Variants in ZNF283 observed in about 807,000 individuals in gnomAD.
ZNF283 encodes zinc finger protein 283, also known as zinc finger protein 41.
ZNF283 carries 10 observed loss-of-function variants against 9.2 expected under a neutral mutation model. The observed-to-expected ratio is 1.09, with a 90% CI of 0.67 to 1.85. The LOEUF (loss-of-function observed/expected upper bound fraction) is 1.85, where lower values mean the gene tolerates loss of function less well. ZNF283 is among the 40% of genes most tolerant of loss of function. The probability of loss-of-function intolerance (pLI) is 0.00; values close to 1 mark genes in which losing one functional copy is unlikely to be tolerated. For synonymous variants in ZNF283, 234 were observed against 244.1 expected, an observed-to-expected ratio of 0.96 and a Z score of 0.38; for missense variants, 631 against 760.1, an observed-to-expected ratio of 0.83 and a Z score of 2.00.
intron 3 of ZNF283, 73 bp from the exon 4 acceptor site, chr19:43,833,431 GT>G: frequency 5.2e-6 from 1 of 194,058 alleles, no homozygotes; most frequent in African/African-American, 2.5e-5. Context: ...ATTATTTTTG[GT>G]TGAGTACCCT....
chr19:43,848,828 A>AAAGGCCTTAGAATTATAGG lies in ZNF283; in HGVS notation c.*195_*196insAGAATTATAGGAAGGCCTT. 2 of 506,068 alleles carry AAAGGCCTTAGAATTATAGG rather than the reference A, an allele frequency of 4.0e-6. No homozygotes were observed. Among genetic ancestry groups the AAAGGCCTTAGAATTATAGG allele is most frequent in the Admixed American group, 3.6e-5 (1 of 28,076 alleles). The allele number at this position is 506,068 out of a possible 1,614,324, so 31.3% of individuals were successfully genotyped here. A position where few individuals can be genotyped will look rare whatever the true frequency, so the allele number is the denominator to read the frequency against. Reference sequence around the variant, plus strand: ...AATATTTTGAATATAATTAATATGAAAAGGCCTTTAGACTTCTGTACAGTC... The same window carrying AAAGGCCTTAGAATTATAGG: ...AATATTTTGAATATAATTAATATGAAAAGGCCTTAGAATTATAGGAAGGCCTTTAGACTTCTGTACAGTC... On this transcript the variant is annotated 3_prime_UTR_variant, in exon 7 of 7. Transcript: ENST00000618787.
At chr19:43,831,477 T>C (rs1402591018) in intron 3 of ZNF283, 96 bp downstream of exon 3, 11 of 996,212 alleles carry the variant, frequency 1.1e-5, no homozygotes, top group Non-Finnish European at 1.6e-5. Flanking sequence ...TGTCACTCAG[T>C]TTTTTACATT....
Position 43,850,612 on chromosome 19 carries a change from T to C in ZNF283, c.*1971T>C, listed in dbSNP as rs1971582240. 6.6e-6 allele frequency: 1 copy of C among 152,144 alleles called. No homozygotes were observed. Among genetic ancestry groups the C allele is most frequent in the Admixed American group, 6.6e-5 (1 of 15,258 alleles). The allele number at this position is 152,144 out of a possible 1,614,324, so 9.4% of individuals were successfully genotyped here. On this transcript the variant is annotated 3_prime_UTR_variant, in exon 7 of 7. Coordinates refer to ENST00000618787, the MANE Select transcript of ZNF283 (RefSeq NM_181845.2). ...GCACCACCATACTGGCTAATTCTTGTATTTTTAGTAGAGATGGGGTTTTGC... is the reference window on the plus strand; with the variant it reads ...GCACCACCATACTGGCTAATTCTTGCATTTTTAGTAGAGATGGGGTTTTGC...
intron 2 of ZNF283, among the ~76,000 whole-genome samples, chr19:43,830,289 C>G (rs970119300): frequency 1.1e-4 from 17 of 151,984 alleles, no homozygotes; most frequent in African/African-American, 4.1e-4. Context: ...TGTTGCCCAG[C>G]CTGGTCTCTA....
rs143550183 is a variant in ZNF283 at position 43,844,717 on chromosome 19, C to G, written c.338-2222C>G. On this transcript the variant is annotated intron_variant, in intron 6 of 6. Transcript: ENST00000618787. ...CTCAACCAAAATGTTATACAGTCAT[C>G]AACAGGCAAGGCACATGAAAACCCC... Among the ~76,000 whole-genome samples, 115 of 152,254 alleles carry G rather than the reference C, an allele frequency of 7.6e-4. No homozygotes were observed. The Middle Eastern group carries it at 0.01, about 14-fold the overall frequency.
At chr19:43,829,730 T>C (rs1220121136) in intron 2 of ZNF283, among the ~76,000 whole-genome samples, 1 of 151,786 alleles carries the variant, frequency 6.6e-6, no homozygotes, top group Non-Finnish European at 1.5e-5. Flanking sequence ...GCAAATTAAC[T>C]AAAAAAGTGG....
intron 6 of ZNF283, among the ~76,000 whole-genome samples, chr19:43,840,338 A>G (rs1971150940): frequency 6.6e-6 from 1 of 152,150 alleles, no homozygotes; most frequent in Non-Finnish European, 1.5e-5. Flanking sequence ...CTGGTCCCTC[A>G]AGGTAACACA....
Position 43,847,354 on chromosome 19 carries a change from T to C in ZNF283, c.753T>C (p.Asn251=). The C allele has an allele frequency of 6.2e-7, 1 of 1,614,052 alleles. No homozygotes were observed. The highest frequency in any genetic ancestry group is 8.5e-7 in the Non-Finnish European group (1 of 1,179,952). ...ATTATTTAAGTGCCTATCAACTCAATGTGCATCAGAGATTTCATACTGGTG... is the reference window on the plus strand; with the variant it reads ...ATTATTTAAGTGCCTATCAACTCAACGTGCATCAGAGATTTCATACTGGTG... The part of the protein sequence containing the change: ...GKNYLSAYQL[N]VHQRFHTGEK... The change falls in exon 7 of 7, where the codon AAT becomes AAC. Residue 251 remains asparagine, a synonymous_variant. Transcript: ENST00000618787.
chr19:43,836,609 T>G (rs766925553), intron 5 of ZNF283, among the ~76,000 whole-genome samples: 2 of 152,168 alleles, frequency 1.3e-5, no homozygotes, highest in Non-Finnish European at 2.9e-5. Context: ...CCAAAGTGCT[T>G]GGGATTACGG....
At chr19:43,841,864 T>G (rs1432513875) in intron 6 of ZNF283, among the ~76,000 whole-genome samples, 4 of 152,222 alleles carry the variant, frequency 2.6e-5, no homozygotes, top group Admixed American at 2.0e-4. Flanking sequence ...ATTAGACAGC[T>G]ATGATTCTTA....
At position 43,848,979 on chromosome 19, in the gene ZNF283, A is replaced by G. The variant is rs2356439; in HGVS notation, c.*338A>G. On this transcript the variant is annotated 3_prime_UTR_variant, in exon 7 of 7. Transcript: ENST00000618787. ...GGTATTTGTTAAAAAGAGTTTAAAT[A>G]GGAGGAATGTGGGAAGGACCTAAAC... 66,340 of 162,396 alleles carry G rather than the reference A, an allele frequency of 0.41. 13,775 individuals are homozygous for G. Among genetic ancestry groups the G allele is most frequent in the South Asian group, 0.56 (2,890 of 5,180 alleles). The allele number at this position is 162,396 out of a possible 1,614,324, so 10.1% of individuals were successfully genotyped here.
chr19:43,835,105 T>A (rs1393694270), intron 4 of ZNF283, among the ~76,000 whole-genome samples: 2 of 152,198 alleles, frequency 1.3e-5, no homozygotes, highest in Admixed American at 6.5e-5. Context: ...ATATATGCAT[T>A]AGAAAGTCAG....
rs576065301 is a variant in ZNF283 at position 43,827,944 on chromosome 19, G to A, written c.-144-258G>A. 3 of 152,258 alleles carry A rather than the reference G, an allele frequency of 2.0e-5. No homozygotes were observed. The East Asian group carries it at 5.8e-4, about 29-fold the overall frequency. The allele number at this position is 152,258 out of a possible 1,614,324, so 9.4% of individuals were successfully genotyped here. On this transcript the variant is annotated intron_variant, in intron 1 of 6. Transcript: ENST00000618787. Reference sequence around the variant, plus strand: ...ACCTGATGGGGAAGTTCTAGAGGTGGGATTCCTAGAAGAGGGGCCTCTAGG... The same window carrying A: ...ACCTGATGGGGAAGTTCTAGAGGTGAGATTCCTAGAAGAGGGGCCTCTAGG...
At chr19:43,830,784 A>T (rs1970672067) in intron 2 of ZNF283, among the ~76,000 whole-genome samples, 1 of 151,442 alleles carries the variant, frequency 6.6e-6, no homozygotes, top group Non-Finnish European at 1.5e-5. Flanking sequence ...GCACCTGTAG[A>T]CCCAGCTATT....
chr19:43,836,619 G>T (rs572528194), intron 5 of ZNF283, among the ~76,000 whole-genome samples: 2 of 152,190 alleles, frequency 1.3e-5, no homozygotes, highest in Non-Finnish European at 2.9e-5. Context: ...TGGGATTACG[G>T]GCATGAACCA....
chr19:43,835,442 A>T, intron 4 of ZNF283, 63 bp from the exon 5 acceptor site: 1 of 1,017,198 alleles, frequency 9.8e-7, no homozygotes, highest in Non-Finnish European at 1.5e-6. Context: ...ATCTTCTATT[A>T]GTGTAAGTCA....
intron 6 of ZNF283, chr19:43,841,099 TATTC>T (rs1971192986): frequency 6.6e-6 from 1 of 152,224 alleles, no homozygotes; most frequent in African/African-American, 2.4e-5. Context: ...CACTCCTACA[TATTC>T]ATTTAATGTC....
At chr19:43,832,532 G>C (rs1305455435) in intron 3 of ZNF283, among the ~76,000 whole-genome samples, 1 of 152,142 alleles carries the variant, frequency 6.6e-6, no homozygotes, top group East Asian at 1.9e-4. Flanking sequence ...ATGTTTCTGA[G>C]AACCTGTTTT....
intron 2 of ZNF283, among the ~76,000 whole-genome samples, chr19:43,830,186 C>T (rs1970643893): frequency 6.6e-6 from 1 of 152,142 alleles, no homozygotes; most frequent in Non-Finnish European, 1.5e-5. Context: ...GCGATCCTCC[C>T]ACCTCAGGCT....
Sources: gnomAD v4.1 joint callset for allele counts (sites outside exome capture counted in the v4.1 genomes callset) on GRCh38, gnomAD v4.1.1 for gene constraint, MANE v1.5 for transcripts, NCBI Gene and HGNC (gene_info 2026-07-23, HGNC 2026-07-21) for gene names.